PLEKHA8: variants seen among roughly 807,000 people sequenced by gnomAD.
PLEKHA8 encodes the protein pleckstrin homology domain-containing family A member 8.
In PLEKHA8, 36 loss-of-function variants were observed where a neutral mutation model predicts 68.2. That is an observed-to-expected ratio of 0.53 (90% CI 0.40 to 0.70). PLEKHA8 has a LOEUF of 0.70. Among genes scored for constraint, PLEKHA8 ranks in the 30% least tolerant of loss-of-function variants. The pLI is 0.00. For missense variants in PLEKHA8, 505 were observed against 615.4 expected, an observed-to-expected ratio of 0.82 and a Z score of 1.90; for synonymous variants, 211 against 216.1, an observed-to-expected ratio of 0.98 and a Z score of 0.20.
At position 30,062,554 on chromosome 7, in the gene PLEKHA8, C is replaced by CTATTT. The variant is rs1793522218; in HGVS notation, c.1230-114_1230-113insTTATT. The CTATTT allele has an allele frequency of 6.0e-5, 44 of 731,310 alleles. No homozygotes were observed. The South Asian group carries it at 6.6e-4, about 11-fold the overall frequency. The allele number at this position is 731,310 out of a possible 1,614,324, so 45.3% of individuals were successfully genotyped here. Reference sequence around the variant, plus strand: ...AGGAAGGACTGCCATATGATTTGACCTATTCACTGCTGTGCCTAAGATGTT... The same window carrying CTATTT: ...AGGAAGGACTGCCATATGATTTGACCTATTTTATTCACTGCTGTGCCTAAGATGTT... On this transcript the variant is annotated intron_variant, in intron 11 of 13. Transcript: ENST00000449726.
Position 30,045,071 on chromosome 7 carries a change from G to C in PLEKHA8, c.41-14G>C. On this transcript the variant is annotated splice_polypyrimidine_tract_variant and intron_variant, in intron 1 of 13. Coordinates refer to ENST00000449726, the MANE Select transcript of PLEKHA8 (RefSeq NM_001197026.2). ...AGGCAGTAATTGCAATGATGCTCTTGCTTTTGTTTTCAGGTTGGCAGCCTC... is the reference window on the plus strand; with the variant it reads ...AGGCAGTAATTGCAATGATGCTCTTCCTTTTGTTTTCAGGTTGGCAGCCTC... The C allele has an allele frequency of 1.3e-6, 2 of 1,561,216 alleles. No homozygotes were observed. Among genetic ancestry groups the C allele is most frequent in the Non-Finnish European group, 1.8e-6 (2 of 1,141,740 alleles).
At chr7:30,072,889 T>C (rs1252865597) in intron 12 of PLEKHA8, among the ~76,000 whole-genome samples, 1 of 152,212 alleles carries the variant, frequency 6.6e-6, no homozygotes. Context: ...AGATGATGCT[T>C]AGGAAATAAA....
chr7:30,103,695 A>G (rs979335475), intron 13 of PLEKHA8, among the ~76,000 whole-genome samples: 4 of 152,244 alleles, frequency 2.6e-5, no homozygotes, highest in African/African-American at 9.6e-5. Flanking sequence ...AAATAGTGCT[A>G]GAACAACTGC....
At position 30,081,492 on chromosome 7, in the gene PLEKHA8, C is replaced by T. The variant is rs557686702; in HGVS notation, c.*2705C>T. ...CTGTTTTAGTTAAAGTCATAATTTG[C>T]GCTGATGTGTAATCACTTTCCAAGA... On this transcript the variant is annotated 3_prime_UTR_variant, in exon 14 of 14. Transcript: ENST00000449726. The T allele has an allele frequency of 1.5e-5, 15 of 985,126 alleles. No individual in the cohort carries two copies. The South Asian group carries it at 3.3e-4, about 22-fold the overall frequency. 61.0% of individuals were successfully genotyped at this position (985,126 alleles called of 1,614,324 possible).
chr7:30,098,944 C>T (rs570593002), intron 13 of PLEKHA8, among the ~76,000 whole-genome samples: 46 of 152,298 alleles, frequency 3.0e-4, no homozygotes, highest in African/African-American at 1.0e-3. Flanking sequence ...TGTTCCTATT[C>T]GGCCATCTTG....
At chr7:30,108,413 G>A (rs1796150827) in intron 13 of PLEKHA8, among the ~76,000 whole-genome samples, 1 of 152,104 alleles carries the variant, frequency 6.6e-6, no homozygotes, top group African/African-American at 2.4e-5. Context: ...GGAACAGTTT[G>A]TTTTAGATAA....
At chr7:30,093,277 T>C (rs1795485792), downstream of PLEKHA8, among the ~76,000 whole-genome samples, 1 of 152,238 alleles carries the variant, frequency 6.6e-6, no homozygotes, top group African/African-American at 2.4e-5. Flanking sequence ...CCAACCACTG[T>C]GTGAAAAACT....
At chr7:30,116,378 T>A (rs1796563556) in intron 13 of PLEKHA8, among the ~76,000 whole-genome samples, 1 of 152,082 alleles carries the variant, frequency 6.6e-6, no homozygotes, top group African/African-American at 2.4e-5. Context: ...AATATCTGTT[T>A]ACATGTGCGA....
At chr7:30,102,356 AC>A (rs1467436950) in intron 13 of PLEKHA8, among the ~76,000 whole-genome samples, 1 of 152,256 alleles carries the variant, frequency 6.6e-6, no homozygotes, top group African/African-American at 2.4e-5. Flanking sequence ...CTGTGGAAGC[AC>A]TTTAACAGTT....
intron 1 of PLEKHA8, among the ~76,000 whole-genome samples, chr7:30,033,660 A>G (rs927414948): frequency 3.3e-5 from 5 of 152,168 alleles, no homozygotes; most frequent in South Asian, 2.1e-4. Context: ...TTGGATATCT[A>G]TAATACCTAG....
In PLEKHA8 at chr7:30,082,743, AAG is replaced by A; in HGVS notation, c.*3960_*3961del. 4.1e-6 allele frequency: 4 copies of A among 985,314 alleles called. No homozygotes were observed. The highest frequency in any genetic ancestry group is 4.8e-6 in the Non-Finnish European group (4 of 829,872). 61.0% of individuals were successfully genotyped at this position (985,314 alleles called of 1,614,324 possible). A position where few individuals can be genotyped will look rare whatever the true frequency, so the allele number is the denominator to read the frequency against. On this transcript the variant is annotated 3_prime_UTR_variant, in exon 14 of 14. Coordinates refer to ENST00000449726, the MANE Select transcript of PLEKHA8 (RefSeq NM_001197026.2). ...AAGTGAGGGAAAGAGGAGCCAAAGT[AAG>A]AGATTTTTTTTTAAGGAAACTTAAT... is the stretch of plus-strand genomic sequence containing the variant.
intron 13 of PLEKHA8, among the ~76,000 whole-genome samples, chr7:30,110,977 G>T (rs577495075): frequency 2.0e-5 from 3 of 150,736 alleles, no homozygotes; most frequent in African/African-American, 4.9e-5. Context: ...CGATCTTGGC[G>T]CACTGCAACC....
chr7:30,090,211 A>G (rs1425883179), exon 13 of PLEKHA8: 1 of 1,544,892 alleles, frequency 6.5e-7, no homozygotes, highest in Non-Finnish European at 8.7e-7. Context: ...CCTGAACTTC[A>G]AGAATGAAGA....
chr7:30,050,500 A>G, intron 6 of PLEKHA8, 26 bp downstream of exon 6: 1 of 1,530,944 alleles, frequency 6.5e-7, no homozygotes, highest in Non-Finnish European at 8.8e-7. Flanking sequence ...TCTTCTTGCT[A>G]AAAATTAAAA....
chr7:30,120,430 GCTGC>G (rs1796679217), intron 13 of PLEKHA8, among the ~76,000 whole-genome samples: 1 of 152,194 alleles, frequency 6.6e-6, no homozygotes, highest in Admixed American at 6.5e-5. Context: ...TAAACAGTTG[GCTGC>G]CTGTGATTGG....
chr7:30,057,086 G>A (rs183402524), intron 9 of PLEKHA8, among the ~76,000 whole-genome samples: 23 of 151,854 alleles, frequency 1.5e-4, no homozygotes, highest in African/African-American at 3.6e-4. Flanking sequence ...TATAACTTGC[G>A]TAGGTCTTAA....
intron 12 of PLEKHA8, among the ~76,000 whole-genome samples, chr7:30,069,214 G>C (rs985704055): frequency 2.0e-5 from 3 of 152,198 alleles, no homozygotes; most frequent in African/African-American, 7.2e-5. Context: ...CCTCCTGCCA[G>C]ACTTGACTAC....
In PLEKHA8 at chr7:30,074,056, TTTC is replaced by T. The variant is rs1363719844; in HGVS notation, c.1301-9_1301-7del. The T allele has an allele frequency of 5.6e-6, 9 of 1,605,640 alleles. 1 individual carries two copies. The highest frequency in any genetic ancestry group is 3.3e-5 in the South Asian group (3 of 89,868). On this transcript the variant is annotated splice_polypyrimidine_tract_variant and intron_variant, in intron 12 of 13. Coordinates refer to ENST00000449726, the MANE Select transcript of PLEKHA8 (RefSeq NM_001197026.2). ...TGATGAAAGTGTTCCTCATGGAGTT[TTTC>T]TTCTTTTCAAGATAATGCATATGGT...
chr7:30,055,172 G>C, intron 8 of PLEKHA8, 85 bp from the exon 9 acceptor site: 1 of 1,202,786 alleles, frequency 8.3e-7, no homozygotes, highest in East Asian at 2.3e-5. Context: ...CAGAGAGGCA[G>C]CTGTGTCTAT....
Sources: allele counts gnomAD v4.1 joint callset (sites outside exome capture counted in the v4.1 genomes callset), GRCh38; gene constraint gnomAD v4.1.1; transcripts MANE v1.5; gene names NCBI Gene and HGNC (gene_info 2026-07-23, HGNC 2026-07-21).